SNX18: variants seen among roughly 807,000 people sequenced by gnomAD.
SNX18 encodes the protein sorting nexin-18.
A neutral mutation model predicts 48.7 loss-of-function variants in SNX18; 35 were observed. The observed-to-expected ratio is 0.72, with a 90% confidence interval of 0.55 to 0.95. The LOEUF (loss-of-function observed/expected upper bound fraction) is 0.95. Ranked by LOEUF, SNX18 falls within the 40% of genes least tolerant of loss-of-function variation. SNX18 has a pLI of 0.00. For synonymous variants in SNX18, 492 were observed against 384.7 expected, an observed-to-expected ratio of 1.28 and a Z score of -3.26; for missense variants, 824 against 871.0, an observed-to-expected ratio of 0.95 and a Z score of 0.68.
chr5:54,618,159 G>A, the SNX18 span, among the ~76,000 whole-genome samples: 1 of 152,164 alleles, frequency 6.6e-6, no homozygotes, highest in Non-Finnish European at 1.5e-5. Flanking sequence ...TGATGGTTTT[G>A]CAAGGCTTTT....
At chr5:54,535,086 C>A (rs966946873) in intron 1 of SNX18, among the ~76,000 whole-genome samples, 10 of 152,128 alleles carry the variant, frequency 6.6e-5, no homozygotes, top group African/African-American at 2.4e-4. Flanking sequence ...TGATTAAATT[C>A]TTTTGTTTTC....
chr5:54,533,336 T>TA (rs1762284990), intron 1 of SNX18, among the ~76,000 whole-genome samples: 1 of 152,210 alleles, frequency 6.6e-6, no homozygotes, highest in South Asian at 2.1e-4. Context: ...CAGGGTTTAT[T>TA]AATGTGGTCT....
intron 1 of SNX18, among the ~76,000 whole-genome samples, chr5:54,526,339 C>A (rs1762131654): frequency 6.6e-6 from 1 of 152,106 alleles, no homozygotes; most frequent in Non-Finnish European, 1.5e-5. Flanking sequence ...AACTCCTGAC[C>A]TCAAGCAATC....
intron 1 of SNX18, among the ~76,000 whole-genome samples, chr5:54,536,308 G>A (rs923646441): frequency 1.3e-5 from 2 of 151,804 alleles, no homozygotes; most frequent in African/African-American, 2.4e-5. Context: ...GTATACATGC[G>A]CCATGTTGGT....
chr5:54,519,682 A>G (rs778226020), intron 1 of SNX18, 109 bp downstream of exon 1: 2 of 1,614,194 alleles, frequency 1.2e-6, no homozygotes, highest in Admixed American at 3.3e-5. Flanking sequence ...TCTACAGGTG[A>G]GGAAGCGAGC....
At chr5:54,639,472 C>A in the SNX18 span, among the ~76,000 whole-genome samples, 1 of 152,264 alleles carries the variant, frequency 6.6e-6, no homozygotes, top group Middle Eastern at 3.4e-3. Context: ...ACTTCCAGTT[C>A]TTGCCAAAAT....
the SNX18 span, among the ~76,000 whole-genome samples, chr5:54,621,008 G>A: frequency 2.8e-4 from 42 of 152,294 alleles, no homozygotes; most frequent in African/African-American, 1.0e-3. Context: ...GGGGAACACA[G>A]TTCAGTCCAT....
At chr5:54,605,693 A>C in the SNX18 span, among the ~76,000 whole-genome samples, 1 of 152,128 alleles carries the variant, frequency 6.6e-6, no homozygotes, top group Non-Finnish European at 1.5e-5. Context: ...AGGGTCTTGC[A>C]CCGTCACCCA....
chr5:54,595,980 C>G, the SNX18 span, among the ~76,000 whole-genome samples: 67 of 152,244 alleles, frequency 4.4e-4, no homozygotes, highest in African/African-American at 1.5e-3. Flanking sequence ...ATAAGGAAAG[C>G]CTTGGGATCC....
chr5:54,574,773 G>A, the SNX18 span, among the ~76,000 whole-genome samples: 1 of 152,104 alleles, frequency 6.6e-6, no homozygotes, highest in African/African-American at 2.4e-5. Context: ...GCGGGTAAGG[G>A]TGTACATGTA....
intron 1 of SNX18, 115 bp downstream of exon 1, chr5:54,519,688 C>T (rs1044316604): frequency 6.2e-6 from 10 of 1,614,150 alleles, no homozygotes; most frequent in East Asian, 4.5e-5. Context: ...GGTGAGGAAG[C>T]GAGCAGAGAC....
At chr5:54,579,601 A>T in the SNX18 span, among the ~76,000 whole-genome samples, 1 of 152,188 alleles carries the variant, frequency 6.6e-6, no homozygotes, top group African/African-American at 2.4e-5. Flanking sequence ...AGCTTTTTGT[A>T]CTCACCCAAA....
intron 1 of SNX18, among the ~76,000 whole-genome samples, chr5:54,540,448 C>T (rs1315145017): frequency 6.6e-6 from 1 of 151,818 alleles, no homozygotes; most frequent in Non-Finnish European, 1.5e-5. Flanking sequence ...AACTCCTGAC[C>T]TCAACCCATC....
the SNX18 span, among the ~76,000 whole-genome samples, chr5:54,606,262 A>G: frequency 6.6e-6 from 1 of 152,246 alleles, no homozygotes; most frequent in African/African-American, 2.4e-5. Flanking sequence ...TGAATTGTAA[A>G]TGACATCCCT....
chr5:54,608,945 C>G, the SNX18 span, among the ~76,000 whole-genome samples: 1 of 152,180 alleles, frequency 6.6e-6, no homozygotes, highest in Non-Finnish European at 1.5e-5. Flanking sequence ...ACACTGTTTT[C>G]CACTAAAGCA....
At chr5:54,620,766 G>A in the SNX18 span, among the ~76,000 whole-genome samples, 8 of 152,218 alleles carry the variant, frequency 5.3e-5, no homozygotes, top group Admixed American at 6.5e-5. Flanking sequence ...GGAAGTCCAA[G>A]ATCAAGGAGT....
the SNX18 span, among the ~76,000 whole-genome samples, chr5:54,605,370 A>T: frequency 1.7e-4 from 26 of 152,072 alleles, no homozygotes; most frequent in African/African-American, 3.1e-4. Context: ...ACTTTTTTTT[A>T]AAAAAAGCAA....
intron 1 of SNX18, among the ~76,000 whole-genome samples, chr5:54,522,005 T>C (rs1762041409): frequency 6.6e-6 from 1 of 152,248 alleles, no homozygotes; most frequent in Non-Finnish European, 1.5e-5. Context: ...CTAGGAACTT[T>C]GGAAAGAACA....
the SNX18 span, among the ~76,000 whole-genome samples, chr5:54,562,971 T>C: frequency 6.6e-6 from 1 of 152,018 alleles, no homozygotes; most frequent in Admixed American, 6.5e-5. Flanking sequence ...TAGTTTTTAA[T>C]AAAACAGTTT....
Sources: allele counts gnomAD v4.1 joint callset (sites outside exome capture counted in the v4.1 genomes callset), GRCh38; gene constraint gnomAD v4.1.1; transcripts MANE v1.5; gene names NCBI Gene and HGNC (gene_info 2026-07-23, HGNC 2026-07-21).